Variants in KCTD16 observed in about 807,000 individuals in gnomAD.
KCTD16 encodes BTB/POZ domain-containing protein KCTD16.
Under a neutral mutation model 33.2 loss-of-function variants are expected in KCTD16, and 13 were observed. The ratio of observed to expected loss-of-function variants is 0.39; its 90% CI spans 0.25 to 0.62. The LOEUF (loss-of-function observed/expected upper bound fraction) is 0.62. KCTD16 is among the 20% of genes least tolerant of loss of function. The pLI is 0.50. For missense variants in KCTD16, 441 were observed against 525.1 expected (o/e 0.84, Z 1.57); for synonymous variants, 197 against 195.3 (o/e 1.01, Z -0.07).
intron 3 of KCTD16, among the ~76,000 whole-genome samples, chr5:144,348,654 A>T (rs1026164306): frequency 6.6e-6 from 1 of 152,224 alleles, no homozygotes; most frequent in African/African-American, 2.4e-5. Context: ...AGTTACAAAG[A>T]TATTGTATTC....
intron 3 of KCTD16, among the ~76,000 whole-genome samples, chr5:144,284,869 A>T (rs1010885934): frequency 6.6e-6 from 1 of 152,136 alleles, no homozygotes; most frequent in Admixed American, 6.5e-5. Context: ...CTCTTCTAAA[A>T]CTCTCACCAT....
intron 3 of KCTD16, among the ~76,000 whole-genome samples, chr5:144,449,901 G>A (rs1264357544): frequency 6.6e-6 from 1 of 151,824 alleles, no homozygotes. Flanking sequence ...ATGTTTTCTT[G>A]GATATGAACT....
intron 3 of KCTD16, among the ~76,000 whole-genome samples, chr5:144,313,443 CT>C (rs1384040560): frequency 6.6e-6 from 1 of 152,162 alleles, no homozygotes; most frequent in Non-Finnish European, 1.5e-5. Flanking sequence ...AACCCTTAGA[CT>C]GTCACCTGTG....
In KCTD16 at chr5:144,268,356, T is replaced by G. The variant is rs529611849; in HGVS notation, c.832+60810T>G. Among the ~76,000 whole-genome samples, 4 of 152,300 alleles carry G rather than the reference T, an allele frequency of 2.6e-5. No homozygotes were observed. In the East Asian group the frequency reaches 7.7e-4, roughly 29 times the overall value. ...CCTTCCCCCTCCATCTGAGGTGACCTCTAAGGGATTTAAAGGGCTAGAGCA... is the reference window on the plus strand; with the variant it reads ...CCTTCCCCCTCCATCTGAGGTGACCGCTAAGGGATTTAAAGGGCTAGAGCA... On this transcript the variant is annotated intron_variant, in intron 3 of 3. Transcript: ENST00000512467.
chr5:144,293,049 A>G (rs1755938056), intron 3 of KCTD16, among the ~76,000 whole-genome samples: 1 of 152,308 alleles, frequency 6.6e-6, no homozygotes, highest in African/African-American at 2.4e-5. Context: ...TTAATTCATG[A>G]GAAACTTGGT....
At chr5:144,310,386 A>G (rs2126877016) in intron 3 of KCTD16, among the ~76,000 whole-genome samples, 1 of 152,170 alleles carries the variant, frequency 6.6e-6, no homozygotes, top group South Asian at 2.1e-4. Flanking sequence ...CCTTTGATAT[A>G]CTGATTTCTT....
chr5:144,467,024 ACACTATATATTATATATAATATATAT>A (rs1754353471), intron 3 of KCTD16, among the ~76,000 whole-genome samples: 1 of 125,162 alleles, frequency 8.0e-6, no homozygotes, highest in African/African-American at 2.9e-5. Context: ...AATATATATA[ACACTATATATTATATATAATATATAT>A]AACACTATAT....
chr5:144,258,668 CTTTAA>C (rs1458753899), intron 3 of KCTD16, among the ~76,000 whole-genome samples: 19 of 152,200 alleles, frequency 1.2e-4, no homozygotes, highest in African/African-American at 4.6e-4. Flanking sequence ...GACATATATA[CTTTAA>C]TTCAAACAGA....
At chr5:144,243,055 T>G (rs1300668893) in intron 3 of KCTD16, among the ~76,000 whole-genome samples, 4 of 152,230 alleles carry the variant, frequency 2.6e-5, no homozygotes, top group Admixed American at 1.3e-4. Flanking sequence ...ATTTAATATT[T>G]TATTTCCTTA....
intron 2 of KCTD16, chr5:144,205,769 CT>C (rs1464546920): frequency 5.1e-6 from 2 of 393,222 alleles, no homozygotes; most frequent in Non-Finnish European, 9.0e-6. Flanking sequence ...CAGGGCTTAA[CT>C]TTTTTTGCGA....
At chr5:144,295,069 C>T (rs146002598) in intron 3 of KCTD16, among the ~76,000 whole-genome samples, 22 of 152,196 alleles carry the variant, frequency 1.4e-4, no homozygotes, top group African/African-American at 2.2e-4. Context: ...GACTTGATGG[C>T]GCTAACATAT....
chr5:144,465,181 T>C (rs1353523777), intron 3 of KCTD16, among the ~76,000 whole-genome samples: 299 of 99,234 alleles, frequency 3.0e-3, no homozygotes, highest in Non-Finnish European at 3.5e-3. Flanking sequence ...AGTCTCTCTC[T>C]CCCCCCCCTC....
At chr5:144,334,641 T>C (rs1484843598) in intron 3 of KCTD16, among the ~76,000 whole-genome samples, 1 of 152,172 alleles carries the variant, frequency 6.6e-6, no homozygotes, top group Admixed American at 6.6e-5. Context: ...CTATGGAAAT[T>C]AATATTTTTC....
chr5:144,233,206 A>G (rs1399208069), intron 3 of KCTD16, among the ~76,000 whole-genome samples: 14 of 152,116 alleles, frequency 9.2e-5, no homozygotes. Flanking sequence ...TCAACTGTTA[A>G]ATAAAAAAAG....
intron 3 of KCTD16, among the ~76,000 whole-genome samples, chr5:144,336,158 A>C (rs1752486782): frequency 6.6e-6 from 1 of 152,230 alleles, no homozygotes; most frequent in African/African-American, 2.4e-5. Context: ...CAGAGCTGCT[A>C]CAAAATCTGT....
intron 3 of KCTD16, among the ~76,000 whole-genome samples, chr5:144,324,711 G>A (rs1165540742): frequency 6.6e-6 from 1 of 152,144 alleles, no homozygotes; most frequent in African/African-American, 2.4e-5. Context: ...TAAAGAAAAT[G>A]TGTTACATAT....
chr5:144,461,931 G>T (rs960054488), intron 3 of KCTD16, among the ~76,000 whole-genome samples: 1 of 152,128 alleles, frequency 6.6e-6, no homozygotes, highest in Non-Finnish European at 1.5e-5. Flanking sequence ...CAGAAAGACT[G>T]CCAGAACTTC....
chr5:144,299,596 G>T (rs931749041), intron 3 of KCTD16, among the ~76,000 whole-genome samples: 2 of 152,046 alleles, frequency 1.3e-5, no homozygotes, highest in Non-Finnish European at 1.5e-5. Context: ...GGTGTGCTAA[G>T]CATTTCACAT....
intron 3 of KCTD16, among the ~76,000 whole-genome samples, chr5:144,254,799 A>G (rs1245703529): frequency 6.6e-6 from 1 of 151,968 alleles, no homozygotes; most frequent in African/African-American, 2.4e-5. Flanking sequence ...TCACTCTGTC[A>G]TCCAGGCTGG....
Sources: allele counts gnomAD v4.1 joint callset (sites outside exome capture counted in the v4.1 genomes callset), GRCh38; gene constraint gnomAD v4.1.1; transcripts MANE v1.5; gene names NCBI Gene and HGNC (gene_info 2026-07-23, HGNC 2026-07-21).